Variants in GLI3 observed in about 807,000 individuals in gnomAD.
The protein encoded by GLI3 is GLI family zinc finger 3.
In GLI3, 20 loss-of-function variants were observed where a neutral mutation model predicts 100.8. The observed-to-expected ratio is 0.20, with a 90% CI of 0.14 to 0.29. GLI3 has a LOEUF of 0.29. Among genes scored for constraint, GLI3 ranks in the 10% least tolerant of loss-of-function variants. The pLI, the probability that GLI3 is intolerant of heterozygous loss-of-function variation, is 1.00. For missense variants in GLI3, 2,040 were observed against 2,128.5 expected (o/e 0.96, Z 0.82); for synonymous variants, 938 against 860.5 (o/e 1.09, Z -1.58).
intron 2 of GLI3, among the ~76,000 whole-genome samples, chr7:42,206,865 C>A (rs941150867): frequency 2.0e-5 from 3 of 151,928 alleles, no homozygotes; most frequent in African/African-American, 7.2e-5. Flanking sequence ...TATCTACCCA[C>A]AAAGAACTAA....
At chr7:42,250,269 CT>C (rs1473870739) in intron 1 of GLI3, among the ~76,000 whole-genome samples, 1 of 152,062 alleles carries the variant, frequency 6.6e-6, no homozygotes, top group East Asian at 1.9e-4. Flanking sequence ...GCTATTTTCA[CT>C]CCTTAAAAGA....
At chr7:42,133,754 C>T (rs1786353292) in intron 3 of GLI3, among the ~76,000 whole-genome samples, 1 of 150,916 alleles carries the variant, frequency 6.6e-6, no homozygotes, top group South Asian at 2.1e-4. Flanking sequence ...ATCAAAGGAA[C>T]AAGACTGCAC....
intron 1 of GLI3, among the ~76,000 whole-genome samples, chr7:42,251,394 T>C (rs1789030250): frequency 1.3e-5 from 2 of 152,234 alleles, no homozygotes; most frequent in African/African-American, 4.8e-5. Flanking sequence ...GCTGCTGATC[T>C]GACAGGAGGC....
At position 42,182,664 on chromosome 7, in the gene GLI3, A is replaced by ACATGTGTG. The variant is rs1554337046; in HGVS notation, c.125-34197_125-34196insCACACATG. On this transcript the variant is annotated intron_variant, in intron 2 of 14. Transcript: ENST00000395925. ...TGTGTGTATATATATATATATATAT[A>ACATGTGTG]TATATATATATATATATACACATGT... Among the ~76,000 whole-genome samples, 332 of 78,308 alleles carry ACATGTGTG rather than the reference A, an allele frequency of 4.2e-3. 23 individuals carry two copies. Among genetic ancestry groups the ACATGTGTG allele is most frequent in the African/African-American group, 0.021 (320 of 15,580 alleles). The allele number at this position is 78,308 out of a possible 152,430, so 51.4% of individuals were successfully genotyped here. A position where few individuals can be genotyped will look rare whatever the true frequency, so the allele number is the denominator to read the frequency against.
At chr7:42,115,935 T>C (rs1217997668) in intron 3 of GLI3, among the ~76,000 whole-genome samples, 3 of 151,852 alleles carry the variant, frequency 2.0e-5, no homozygotes, top group Admixed American at 1.3e-4. Context: ...AAAATAGAGA[T>C]TGTTGTGGGT....
intron 3 of GLI3, among the ~76,000 whole-genome samples, chr7:42,141,319 A>G (rs1786562144): frequency 6.6e-6 from 1 of 152,204 alleles, no homozygotes; most frequent in African/African-American, 2.4e-5. Flanking sequence ...TACAGTACTT[A>G]AAATTACGGT....
chr7:42,117,924 G>A (rs1416542091), intron 3 of GLI3, among the ~76,000 whole-genome samples: 1 of 152,184 alleles, frequency 6.6e-6, no homozygotes, highest in Non-Finnish European at 1.5e-5. Flanking sequence ...TCCATGGAAG[G>A]ACGGCACCAT....
At chr7:42,089,554 C>T (rs745432461) in intron 3 of GLI3, among the ~76,000 whole-genome samples, 10 of 152,290 alleles carry the variant, frequency 6.6e-5, no homozygotes, top group African/African-American at 1.7e-4. Context: ...TCTCCAAAAT[C>T]GGGAAAAGGC....
intron 3 of GLI3, among the ~76,000 whole-genome samples, chr7:42,120,281 T>A (rs1196557772): frequency 2.6e-5 from 4 of 152,214 alleles, no homozygotes; most frequent in Non-Finnish European, 5.9e-5. Flanking sequence ...CTGCCCGAAC[T>A]CTGATTGGGC....
intron 1 of GLI3, among the ~76,000 whole-genome samples, chr7:42,250,833 C>T (rs1161362009): frequency 6.6e-6 from 1 of 152,178 alleles, no homozygotes. Flanking sequence ...AGAATAGGAA[C>T]ATATCACGGA....
Position 41,966,762 on chromosome 7 carries a change from G to T in GLI3, c.2432-121C>A. 1.0e-6 allele frequency: 1 copy of T among 958,584 alleles called. No homozygotes were observed. The highest frequency in any genetic ancestry group is 1.6e-6 in the Non-Finnish European group (1 of 612,050). The allele number at this position is 958,584 out of a possible 1,614,324, so 59.4% of individuals were successfully genotyped here. ...CTAGGAACTATTTCTGGTGTCCCAG[G>T]CCACATTGCCTGCCTCACAACTACT... On this transcript the variant is annotated intron_variant, in intron 14 of 14. Transcript: ENST00000395925. This position sits in a 1 kb window ranked among gnomAD's most constrained non-coding sequence, Gnocchi z 5.8.
In GLI3 at chr7:42,048,624, G is replaced by A. The variant is rs751666907; in HGVS notation, c.546C>T (p.Pro182=). The stretch of plus-strand genomic sequence containing the variant: ...TGAAGGGAGACTCGGAAGCAGCAGT[G>A]GGGTTCCGGTGTGGGGAGATCCTAA... The part of the protein sequence containing the change: ...PFIRISPHRN[P]TAASESPFSP... The change falls in exon 5 of 15, where the codon CCC becomes CCT. Residue 182 remains proline, a synonymous_variant. Coordinates refer to ENST00000395925, the MANE Select transcript of GLI3 (RefSeq NM_000168.6). The A allele has an allele frequency of 3.1e-6, 5 of 1,610,586 alleles. No individual in the cohort carries two copies. The highest frequency in any genetic ancestry group is 1.1e-5 in the South Asian group (1 of 90,836).
intron 4 of GLI3, among the ~76,000 whole-genome samples, chr7:42,062,058 C>T (rs1784579111): frequency 1.3e-5 from 2 of 152,112 alleles, no homozygotes; most frequent in Non-Finnish European, 2.9e-5. Flanking sequence ...GCAAGAATTA[C>T]TTGTTCATAT....
rs909884695 is a variant in GLI3 at position 42,257,501 on chromosome 7, C to T, written c.-43+6493G>A. On this transcript the variant is annotated intron_variant, in intron 1 of 2. Transcript: ENST00000678978. ...CTGGGACTACAGGTGCCCGCCACCA[C>T]ACGTGGCTAATTTCTTGTATTTTTA... is the stretch of plus-strand genomic sequence containing the variant. Among the ~76,000 whole-genome samples the T allele has an allele frequency of 4.6e-5, 7 of 152,046 alleles. No individual in the cohort carries two copies. The South Asian group carries it at 1.5e-3, about 32-fold the overall frequency.
intron 3 of GLI3, among the ~76,000 whole-genome samples, chr7:42,078,132 C>T (rs931468174): frequency 2.0e-5 from 3 of 152,184 alleles, no homozygotes; most frequent in East Asian, 1.9e-4. Context: ...AGCGTCCCCC[C>T]GCTGAAGTCG....
rs189105724 is a variant in GLI3 at position 42,068,632 on chromosome 7, G to A, written c.473+8120C>T. 2.9e-3 allele frequency among the ~76,000 whole-genome samples: 449 copies of A among 152,262 alleles called. 1 individual carries two copies. Among genetic ancestry groups the A allele is most frequent in the African/African-American group, 0.011 (439 of 41,550 alleles). ...TGATTTTCCCCGGGGCAGGGATGGG[G>A]ATGCAACAATAACAACAATGAGTGA... On this transcript the variant is annotated intron_variant, in intron 4 of 14. Coordinates refer to ENST00000395925, the MANE Select transcript of GLI3 (RefSeq NM_000168.6).
At chr7:42,202,080 C>CAAAAA (rs35682171) in intron 2 of GLI3, among the ~76,000 whole-genome samples, 1 of 92,198 alleles carries the variant, frequency 1.1e-5, no homozygotes. Flanking sequence ...GACTCCGTCT[C>CAAAAA]AAAAAAAAAA....
chr7:41,967,388 AT>A (rs34658310), intron 14 of GLI3, among the ~76,000 whole-genome samples: 2 of 151,902 alleles, frequency 1.3e-5, no homozygotes, highest in Admixed American at 1.3e-4. Context: ...GCACAGTCAC[AT>A]TTTTTTCTCA....
intron 1 of GLI3, among the ~76,000 whole-genome samples, chr7:42,247,735 T>A (rs1788990117): frequency 6.6e-6 from 1 of 152,214 alleles, no homozygotes; most frequent in African/African-American, 2.4e-5. Flanking sequence ...TTCCACCCAT[T>A]CCTGCTGCTC....
Sources: allele counts gnomAD v4.1 joint callset (sites outside exome capture counted in the v4.1 genomes callset), GRCh38; gene constraint gnomAD v4.1.1; non-coding constraint Gnocchi (gnomAD v3.1); transcripts MANE v1.5; gene names NCBI Gene and HGNC (gene_info 2026-07-23, HGNC 2026-07-21).